Variants in ACSS3 observed in about 807,000 individuals in gnomAD.
ACSS3 encodes acyl-CoA synthetase short chain family member 3.
A neutral mutation model predicts 84.2 loss-of-function variants in ACSS3; 64 were observed. The ratio of observed to expected loss-of-function variants is 0.76; its 90% confidence interval spans 0.62 to 0.94. The LOEUF is 0.94. ACSS3 is among the 40% of genes least tolerant of loss of function. ACSS3 has a pLI of 0.00. For missense variants in ACSS3, 815 were observed against 867.6 expected, an observed-to-expected ratio of 0.94 and a Z score of 0.76; for synonymous variants, 317 against 310.1, an observed-to-expected ratio of 1.02 and a Z score of -0.23.
chr12:81,173,017 G>A (rs1464459220), intron 7 of ACSS3, among the ~76,000 whole-genome samples: 3 of 152,172 alleles, frequency 2.0e-5, no homozygotes, highest in Non-Finnish European at 2.9e-5. Flanking sequence ...CAAGTAAATG[G>A]AAGCATAGAC....
rs1011943894 is a variant in ACSS3 at position 81,097,232 on chromosome 12, A to T, written c.312-12328A>T. On this transcript the variant is annotated intron_variant, in intron 1 of 15. Coordinates refer to ENST00000548058, the MANE Select transcript of ACSS3 (RefSeq NM_024560.4). The stretch of plus-strand genomic sequence containing the variant: ...AGGGAGTGGGAATGCTTTTCTTTTC[A>T]GGACCAGATTGAATATTTTTGGCTT... Among the ~76,000 whole-genome samples the T allele has an allele frequency of 3.3e-5, 5 of 152,318 alleles. No homozygotes were observed. The East Asian group carries it at 9.6e-4, about 29-fold the overall frequency.
Position 81,096,823 on chromosome 12 carries a change from G to A in ACSS3, c.312-12737G>A, listed in dbSNP as rs183711247. 6.6e-5 allele frequency among the ~76,000 whole-genome samples: 10 copies of A among 152,210 alleles called. No homozygotes were observed. The East Asian group carries it at 1.9e-3, about 29-fold the overall frequency. Reference sequence around the variant, plus strand: ...ACTCATCCTTTTTTATGGCTGCATGGTATTCCATGGTGTATATGTGCCACA... The same window carrying A: ...ACTCATCCTTTTTTATGGCTGCATGATATTCCATGGTGTATATGTGCCACA... On this transcript the variant is annotated intron_variant, in intron 1 of 15. Transcript: ENST00000548058.
intron 7 of ACSS3, among the ~76,000 whole-genome samples, chr12:81,165,993 A>G (rs1887385290): frequency 1.3e-5 from 2 of 152,172 alleles, no homozygotes; most frequent in African/African-American, 4.8e-5. Flanking sequence ...TATTTTAAGT[A>G]CCCCATTTAC....
At chr12:81,156,206 A>C (rs35264208) in intron 7 of ACSS3, among the ~76,000 whole-genome samples, 3,368 of 120,300 alleles carry the variant, frequency 0.028, 82 homozygotes, top group South Asian at 0.13. Context: ...ACACACACAC[A>C]CCCCACACAC....
chr12:81,199,595 T>A (rs1442826596), intron 9 of ACSS3, 151 bp downstream of exon 9: 3 of 1,485,466 alleles, frequency 2.0e-6, no homozygotes, highest in East Asian at 2.5e-5. Flanking sequence ...GCAATTTTTT[T>A]ATTGTTGTGT....
chr12:81,207,142 C>G (rs747184558), intron 9 of ACSS3, among the ~76,000 whole-genome samples: 1 of 152,084 alleles, frequency 6.6e-6, no homozygotes, highest in Non-Finnish European at 1.5e-5. Context: ...GCAAGGATCA[C>G]GTATAAACCA....
intron 8 of ACSS3, among the ~76,000 whole-genome samples, chr12:81,175,224 A>G (rs1280861585): frequency 2.0e-5 from 3 of 152,194 alleles, no homozygotes; most frequent in African/African-American, 7.2e-5. Context: ...TAAAATGCCA[A>G]TTCTGACTTA....
chr12:81,123,340 G>A (rs1477255150), intron 2 of ACSS3, among the ~76,000 whole-genome samples: 1 of 152,070 alleles, frequency 6.6e-6, no homozygotes, highest in Non-Finnish European at 1.5e-5. Context: ...GGTGGAGAAA[G>A]GCTAGAGAAT....
intron 4 of ACSS3, among the ~76,000 whole-genome samples, chr12:81,140,655 G>A (rs141154399): frequency 1.2e-3 from 186 of 152,202 alleles, no homozygotes; most frequent in African/African-American, 4.3e-3. Flanking sequence ...AGAATTTTAA[G>A]TTTCTTTCAG....
At chr12:81,137,000 A>G (rs2574730) in intron 3 of ACSS3, among the ~76,000 whole-genome samples, 132,141 of 152,034 alleles carry the variant, frequency 0.87, 58,962 homozygotes, top group Non-Finnish European at 0.97. Flanking sequence ...AATGGGAAGA[A>G]AGCTAATATA....
At chr12:81,179,657 C>G (rs916647171) in intron 8 of ACSS3, among the ~76,000 whole-genome samples, 1 of 151,710 alleles carries the variant, frequency 6.6e-6, no homozygotes, top group African/African-American at 2.4e-5. Flanking sequence ...GTAATCCCAG[C>G]TACTCGGAGA....
At chr12:81,150,044 T>C (rs1482246490) in intron 5 of ACSS3, among the ~76,000 whole-genome samples, 1 of 152,174 alleles carries the variant, frequency 6.6e-6, no homozygotes, top group African/African-American at 2.4e-5. Context: ...CAACTTATCC[T>C]TTACATTTAT....
chr12:81,131,554 G>A (rs997027767), intron 2 of ACSS3, among the ~76,000 whole-genome samples: 1 of 151,936 alleles, frequency 6.6e-6, no homozygotes, highest in Admixed American at 6.6e-5. Flanking sequence ...TTCTGAATAT[G>A]CAATCATTCA....
intron 2 of ACSS3, among the ~76,000 whole-genome samples, chr12:81,130,976 A>C (rs536193679): frequency 2.2e-4 from 34 of 152,086 alleles, no homozygotes; most frequent in African/African-American, 7.2e-4. Context: ...TGTTCTGTTC[A>C]ATTGGTCTAT....
At chr12:81,112,850 A>G (rs1883720188) in intron 2 of ACSS3, among the ~76,000 whole-genome samples, 1 of 152,110 alleles carries the variant, frequency 6.6e-6, no homozygotes, top group Admixed American at 6.6e-5. Context: ...ATTTGTCTGT[A>G]TTTATTATTT....
chr12:81,150,661 C>T (rs1886567735), intron 5 of ACSS3, among the ~76,000 whole-genome samples: 1 of 152,100 alleles, frequency 6.6e-6, no homozygotes. Context: ...TGCTAAGAGA[C>T]CAGGTGTTGT....
At chr12:81,098,980 T>C (rs759060268) in intron 1 of ACSS3, among the ~76,000 whole-genome samples, 3 of 152,196 alleles carry the variant, frequency 2.0e-5, no homozygotes, top group Non-Finnish European at 4.4e-5. Flanking sequence ...TGTTTCCCCT[T>C]CCTTCACAGT....
chr12:81,199,568 G>A (rs2032007627), intron 9 of ACSS3, 124 bp downstream of exon 9: 1 of 1,466,158 alleles, frequency 6.8e-7, no homozygotes, highest in Non-Finnish European at 9.3e-7. Flanking sequence ...GAGTGGTTCA[G>A]GTTTCAGTAA....
chr12:81,105,494 C>A (rs1009284212), intron 1 of ACSS3, among the ~76,000 whole-genome samples: 1 of 152,166 alleles, frequency 6.6e-6, no homozygotes, highest in African/African-American at 2.4e-5. Flanking sequence ...GTTTAGACAT[C>A]TAGACTTGGG....
Sources: gnomAD v4.1 joint callset for allele counts (sites outside exome capture counted in the v4.1 genomes callset) on GRCh38, gnomAD v4.1.1 for gene constraint, MANE v1.5 for transcripts, NCBI Gene and HGNC (gene_info 2026-07-23, HGNC 2026-07-21) for gene names.